Variants in KLHL22 observed in about 807,000 individuals in gnomAD.
KLHL22 encodes the protein kelch like family member 22.
A neutral mutation model predicts 60.7 loss-of-function variants in KLHL22; 18 were observed. The observed-to-expected ratio is 0.30, with a 90% CI of 0.20 to 0.44. The LOEUF (loss-of-function observed/expected upper bound fraction) is 0.44, where lower values mean the gene tolerates loss of function less well. Among genes scored for constraint, KLHL22 ranks in the 20% least tolerant of loss-of-function variants. The probability of loss-of-function intolerance (pLI) is 1.00; values close to 1 mark genes in which losing one functional copy is unlikely to be tolerated. For synonymous variants in KLHL22, 355 were observed against 354.5 expected (o/e 1.00, Z -0.01); for missense variants, 596 against 852.3 (o/e 0.70, Z 3.74).
chr22:20,481,767 C>A, intron 2 of KLHL22, among the ~76,000 whole-genome samples: 1 of 151,886 alleles, frequency 6.6e-6, no homozygotes, highest in East Asian at 1.9e-4. Context: ...CTGTGCCCAG[C>A]TAATATTTGT....
chr22:20,464,976 T>C lies in KLHL22; in HGVS notation c.994A>G (p.Thr332Ala). ...GACATGCGGGGGGCCAGGGAGGCAG[T>C]GAAGTGCTTCCACTCTCCCAGTAAG... ...NPLLGEWKHFTASLAPRMSNQ... is the reference protein window; with the variant it reads ...NPLLGEWKHFAASLAPRMSNQ... Residue 332 changes from threonine (T) to alanine (A), a missense_variant, in exon 4 of 7, where the codon ACT becomes GCT. By Grantham distance (58) the Thr-to-Ala change is moderately conservative. Coordinates refer to ENST00000328879, the MANE Select transcript of KLHL22 (RefSeq NM_032775.4). 2.5e-6 allele frequency: 4 copies of C among 1,611,052 alleles called. No homozygotes were observed. The highest frequency in any genetic ancestry group is 3.4e-6 in the Non-Finnish European group (4 of 1,178,470).
At chr22:20,470,680 GTGGA>G (rs538204093) in intron 3 of KLHL22, among the ~76,000 whole-genome samples, 29,055 of 149,160 alleles carry the variant, frequency 0.19, 3,671 homozygotes, top group Non-Finnish European at 0.28. Context: ...GGATGGATGG[GTGGA>G]TGGATGGATG....
intron 5 of KLHL22, among the ~76,000 whole-genome samples, chr22:20,453,420 A>G (rs1324933662): frequency 2.6e-5 from 4 of 152,020 alleles, no homozygotes; most frequent in Non-Finnish European, 5.9e-5. Flanking sequence ...CCTCCACTCA[A>G]TTGTTTCTGC....
At chr22:20,461,677 G>A (rs745408289) in intron 4 of KLHL22, among the ~76,000 whole-genome samples, 1 of 151,080 alleles carries the variant, frequency 6.6e-6, no homozygotes, top group Non-Finnish European at 1.5e-5. Context: ...TAAATGTACT[G>A]ACCGGGCACG....
rs1429534259 is a variant in KLHL22 at position 20,489,085 on chromosome 22, G to C, written c.127C>G (p.Leu43Val). 1 of 1,614,114 alleles carries C rather than the reference G, an allele frequency of 6.2e-7. No homozygotes were observed. The highest frequency in any genetic ancestry group is 8.5e-7 in the Non-Finnish European group (1 of 1,180,030). ...TCGAAGAGGATTCCGCTGTCCCGGA[G>C]AGCCAGCAGCCCTCGGAGCAGAGCC... is the stretch of plus-strand genomic sequence containing the variant. ...SQALLRGLLA[L>V]RDSGILFDVV... Residue 43 changes from leucine (L) to valine (V), a missense_variant, in exon 2 of 7, where the codon CTC becomes GTC. Physicochemically the swap from Leu to Val is conservative, Grantham distance 32. Coordinates refer to ENST00000328879, the MANE Select transcript of KLHL22 (RefSeq NM_032775.4).
intron 5 of KLHL22, among the ~76,000 whole-genome samples, chr22:20,447,625 C>G (rs891846217): frequency 6.7e-6 from 1 of 148,870 alleles, no homozygotes; most frequent in African/African-American, 2.5e-5. Context: ...TCACTGCAAT[C>G]TCCGCCTCCC....
chr22:20,483,392 C>A, intron 2 of KLHL22: 1 of 810,186 alleles, frequency 1.2e-6, no homozygotes, highest in Non-Finnish European at 2.2e-6. Flanking sequence ...GATTTGGGGG[C>A]ATCTACCTCC....
At chr22:20,483,572 CCA>C in intron 2 of KLHL22, 1 of 727,024 alleles carries the variant, frequency 1.4e-6, no homozygotes, top group South Asian at 1.4e-5. Context: ...ATGTCGCTCT[CCA>C]CAGACTAGTG....
In KLHL22 at chr22:20,441,571, G is replaced by T. The variant is rs114566876; in HGVS notation, c.*502C>A. The T allele has an allele frequency of 3.6e-3, 616 of 172,404 alleles. 6 individuals carry two copies. Among genetic ancestry groups the T allele is most frequent in the African/African-American group, 0.014 (585 of 41,800 alleles). 10.7% of individuals were successfully genotyped at this position (172,404 alleles called of 1,614,324 possible). On this transcript the variant is annotated 3_prime_UTR_variant, in exon 7 of 7. Transcript: ENST00000328879. ...TTATTTCATTGACCAACAACATGGG[G>T]TCTGAAAACCCAGCGGGAGGGGTCT...
In KLHL22 at chr22:20,443,530, A is replaced by G. The variant is rs565726126; in HGVS notation, c.1540-1092T>C. Among the ~76,000 whole-genome samples, 19 of 150,580 alleles carry G rather than the reference A, an allele frequency of 1.3e-4. 1 individual carries two copies. In the South Asian group the frequency reaches 2.1e-3, roughly 17 times the overall value. ...CCAAGGCGGGCTGATCACAAGGTCA[A>G]GAGATCAAGACCATCCTGGCCAACA... On this transcript the variant is annotated intron_variant, in intron 6 of 6. Coordinates refer to ENST00000328879, the MANE Select transcript of KLHL22 (RefSeq NM_032775.4).
intron 2 of KLHL22, chr22:20,481,987 A>G (rs750540802): frequency 6.6e-6 from 1 of 152,114 alleles, no homozygotes; most frequent in Non-Finnish European, 1.5e-5. Flanking sequence ...ACATGATCCC[A>G]CTACTCAACA....
At chr22:20,486,008 A>G (rs2053580304) in intron 2 of KLHL22, among the ~76,000 whole-genome samples, 1 of 151,288 alleles carries the variant, frequency 6.6e-6, no homozygotes, top group Non-Finnish European at 1.5e-5. Flanking sequence ...CTCTACTAAA[A>G]ATACAAAAAA....
In KLHL22 at chr22:20,495,569, G is replaced by A. The variant is rs1347742436; in HGVS notation, c.-34+191C>T. ...CGCGCCCGCGCCCGGGGATCCCGCCGGCCGCGTCCCCGCCACGTCAGGCCG... is the reference window on the plus strand; with the variant it reads ...CGCGCCCGCGCCCGGGGATCCCGCCAGCCGCGTCCCCGCCACGTCAGGCCG... On this transcript the variant is annotated intron_variant, in intron 1 of 6. Transcript: ENST00000328879. The surrounding 1 kb of genome is among the most constrained non-coding windows in gnomAD (Gnocchi z 4.6). 4.0e-5 allele frequency among the ~76,000 whole-genome samples: 6 copies of A among 150,426 alleles called. No individual in the cohort carries two copies. Among genetic ancestry groups the A allele is most frequent in the Admixed American group, 1.3e-4 (2 of 15,126 alleles).
chr22:20,468,774 C>G (rs910182620), intron 3 of KLHL22, among the ~76,000 whole-genome samples: 1 of 152,132 alleles, frequency 6.6e-6, no homozygotes, highest in Non-Finnish European at 1.5e-5. Flanking sequence ...ATTCTCCCAC[C>G]TCAGCCTCCC....
At position 20,465,204 on chromosome 22, in the gene KLHL22, G is replaced by A. The variant is rs748576405; in HGVS notation, c.766C>T (p.Arg256Trp). 5.6e-6 allele frequency: 9 copies of A among 1,613,732 alleles called. No individual in the cohort carries two copies. The highest frequency in any genetic ancestry group is 2.2e-5 in the East Asian group (1 of 44,880). The part of the protein sequence containing the change: ...FPLMEAEVLQ[R>W]LHDKLDPSPL... ...CTGGGGTCCAGCTTGTCATGCAGCC[G>A]CTGCAGGACCTCAGCTTCCATCAGC... Residue 256 changes from arginine (R) to tryptophan (W), a missense_variant, in exon 4 of 7, where the codon CGG (arginine) becomes TGG (tryptophan). Physicochemically the swap from Arg to Trp is moderately radical, Grantham distance 101. Coordinates refer to ENST00000328879, the MANE Select transcript of KLHL22 (RefSeq NM_032775.4). This position sits in a 1 kb window ranked among gnomAD's most constrained non-coding sequence, Gnocchi z 4.9.
chr22:20,448,302 G>C (rs1253564173), intron 5 of KLHL22, among the ~76,000 whole-genome samples: 2 of 152,148 alleles, frequency 1.3e-5, no homozygotes, highest in Admixed American at 1.3e-4. Context: ...CAGACTTTTG[G>C]ATAAGAAATG....
chr22:20,471,593 AGAG>A (rs545217592), intron 2 of KLHL22, 78 bp from the exon 3 acceptor site: 912 of 1,506,654 alleles, frequency 6.1e-4, no homozygotes, highest in Non-Finnish European at 7.7e-4. Flanking sequence ...GACAGCATTC[AGAG>A]AAGAACCTGG....
chr22:20,442,291 C>G lies in KLHL22; in HGVS notation c.1687G>C (p.Val563Leu). 1.9e-6 allele frequency: 3 copies of G among 1,613,964 alleles called. No homozygotes were observed. The highest frequency in any genetic ancestry group is 2.5e-6 in the Non-Finnish European group (3 of 1,180,014). Residue 563 changes from valine to leucine, a missense_variant, in exon 7 of 7, where the codon GTG becomes CTG. Transcript: ENST00000328879. The part of the protein sequence containing the change: ...SHNRGSRTGY[V>L]HIYDVEKDCW... ...TCCTTCTCCACATCGTAAATGTGCA[C>G]GTAGCCTGTGCGGCTGCCGCGGTTG...
At chr22:20,473,435 T>C (rs2053359661) in intron 2 of KLHL22, among the ~76,000 whole-genome samples, 1 of 152,174 alleles carries the variant, frequency 6.6e-6, no homozygotes, top group Admixed American at 6.6e-5. Flanking sequence ...GTGTAGACAC[T>C]GATTAGGTGT....
Sources: gnomAD v4.1 joint callset for allele counts (sites outside exome capture counted in the v4.1 genomes callset) on GRCh38, gnomAD v4.1.1 for gene constraint, Gnocchi (gnomAD v3.1) non-coding constraint, MANE v1.5 for transcripts, NCBI Gene and HGNC (gene_info 2026-07-23, HGNC 2026-07-21) for gene names.